The following SCN7A variants were observed in gnomAD, a reference collection of about 807,000 sequenced individuals.
SCN7A encodes sodium voltage-gated channel alpha subunit 7.
SCN7A carries 138 observed loss-of-function variants against 155.2 expected under a neutral mutation model. The ratio of observed to expected loss-of-function variants is 0.89; its 90% CI spans 0.77 to 1.02. SCN7A has a LOEUF of 1.02. Among genes scored for constraint, SCN7A ranks in the 50% least tolerant of loss-of-function variants. The pLI, the probability that SCN7A is intolerant of heterozygous loss-of-function variation, is 0.00. For missense variants in SCN7A, 2,058 were observed against 1,986.6 expected, an observed-to-expected ratio of 1.04 and a Z score of -0.68; for synonymous variants, 693 against 649.0, an observed-to-expected ratio of 1.07 and a Z score of -1.03.
intron 21 of SCN7A, among the ~76,000 whole-genome samples, chr2:166,414,221 TA>T (rs1220344741): frequency 3.3e-4 from 32 of 96,572 alleles, no homozygotes; most frequent in African/African-American, 1.0e-3. Context: ...TAAATATATA[TA>T]AATATATATA....
chr2:166,447,542 G>A (rs1702089211), intron 12 of SCN7A, 70 bp downstream of exon 12: 1 of 1,001,096 alleles, frequency 1.0e-6, no homozygotes, highest in Admixed American at 2.5e-5. Context: ...AGAAATTGCT[G>A]AATTTCTTTA....
chr2:166,473,170 A>G (rs1206026990), intron 5 of SCN7A, among the ~76,000 whole-genome samples: 1 of 151,798 alleles, frequency 6.6e-6, no homozygotes, highest in African/African-American at 2.4e-5. Context: ...TCTGAACTTG[A>G]AAGTTAAACA....
In SCN7A at chr2:166,448,310, A is replaced by T. The variant is rs529615192; in HGVS notation, c.1291-602T>A. Among the ~76,000 whole-genome samples the T allele has an allele frequency of 1.1e-4, 16 of 152,298 alleles. No homozygotes were observed. In the South Asian group the frequency reaches 3.3e-3, roughly 32 times the overall value. On this transcript the variant is annotated intron_variant, in intron 11 of 25. Transcript: ENST00000643258. ...ACTTTATTCTTTTTAATGGCTGAAT[A>T]ATACTCCATTGTGTATATACTATAT... is the stretch of plus-strand genomic sequence containing the variant.
chr2:166,430,315 A>AT (rs1701707862), intron 16 of SCN7A, among the ~76,000 whole-genome samples: 1 of 151,974 alleles, frequency 6.6e-6, no homozygotes, highest in Admixed American at 6.6e-5. Flanking sequence ...TAGTGCTCAA[A>AT]TAAAAAAAGT....
At position 166,413,055 on chromosome 2, in the gene SCN7A, A is replaced by G. The variant is rs1233774751; in HGVS notation, c.3468+13T>C. 4 of 1,517,164 alleles carry G rather than the reference A, an allele frequency of 2.6e-6. No homozygotes were observed. The South Asian group carries it at 5.0e-5, about 19-fold the overall frequency. The allele number at this position is 1,517,164 out of a possible 1,614,324, so 94.0% of individuals were successfully genotyped here. ...GTATCCTAACAATGGCTTTAAAATG[A>G]TATTATACTTACAGCAACAGAATCA... On this transcript the variant is annotated intron_variant, in intron 22 of 25. Coordinates refer to ENST00000643258, the MANE Select transcript of SCN7A (RefSeq NM_002976.4).
In SCN7A at chr2:166,404,823, T is replaced by TG. The variant is rs1491034123; in HGVS notation, c.*756dup. The TG allele has an allele frequency of 6.4e-5, 2 of 31,358 alleles. No individual in the cohort carries two copies. The highest frequency in any genetic ancestry group is 1.3e-4 in the Non-Finnish European group (2 of 15,252). 1.9% of individuals were successfully genotyped at this position (31,358 alleles called of 1,614,324 possible). ...AAAATAGGTGTAAATGAGAAGAAAA[T>TG]GAAAAAAAAAAAAAAAAAAAAGGCT... On this transcript the variant is annotated 3_prime_UTR_variant, in exon 26 of 26. Transcript: ENST00000643258.
intron 20 of SCN7A, among the ~76,000 whole-genome samples, chr2:166,418,283 GC>G (rs1480612799): frequency 1.7e-5 from 2 of 119,878 alleles, no homozygotes; most frequent in Admixed American, 8.2e-5. Context: ...ACCCCGCCAG[GC>G]TTTTTTTTTT....
At chr2:166,488,393 C>T (rs1052833682) in intron 1 of SCN7A, among the ~76,000 whole-genome samples, 1 of 151,968 alleles carries the variant, frequency 6.6e-6, no homozygotes, top group Non-Finnish European at 1.5e-5. Context: ...TCATTGACTT[C>T]TAGGAAGCAG....
Position 166,425,416 on chromosome 2 carries a change from G to C in SCN7A, c.2854-1984C>G, listed in dbSNP as rs1268575604. Among the ~76,000 whole-genome samples, 3 of 151,930 alleles carry C rather than the reference G, an allele frequency of 2.0e-5. No individual in the cohort carries two copies. The East Asian group carries it at 5.8e-4, about 30-fold the overall frequency. On this transcript the variant is annotated intron_variant, in intron 18 of 25. Transcript: ENST00000643258. ...CTTTCCTGGTAGTGTATCTAGAGAG[G>C]GCTGCTTATTAGTTTCCTATTGTGA...
intron 1 of SCN7A, among the ~76,000 whole-genome samples, chr2:166,493,234 T>G (rs7600097): frequency 0.028 from 4,292 of 152,242 alleles, 171 homozygotes; most frequent in East Asian, 0.16. Context: ...TTCAGTCCAA[T>G]ATCCAAACTG....
chr2:166,441,018 T>C, intron 15 of SCN7A: 1 of 314,542 alleles, frequency 3.2e-6, no homozygotes, highest in East Asian at 5.1e-5. Context: ...TTATGAGTTT[T>C]ATATTTCTGG....
In SCN7A at chr2:166,406,536, C is replaced by T; in HGVS notation, c.4093G>A (p.Val1365Met). The change falls in exon 26 of 26, where the codon GTG (valine) becomes ATG (methionine). Residue 1365 changes from valine to methionine, a missense_variant. Transcript: ENST00000643258. Reference sequence around the variant, plus strand: ...AAAGGAAGCATCAGATTATGAAACACCTTTGGTCCTTTTCCAAGACGCAGC... The same window carrying T: ...AAAGGAAGCATCAGATTATGAAACATCTTTGGTCCTTTTCCAAGACGCAGC... ...HMLRLGKGPK[V>M]FHNLMLPLML... 5 of 1,612,794 alleles carry T rather than the reference C, an allele frequency of 3.1e-6. No individual in the cohort carries two copies. Among genetic ancestry groups the T allele is most frequent in the African/African-American group, 1.3e-5 (1 of 74,916 alleles).
At chr2:166,456,468 C>A (rs1702276523) in intron 11 of SCN7A, among the ~76,000 whole-genome samples, 1 of 151,918 alleles carries the variant, frequency 6.6e-6, no homozygotes, top group African/African-American at 2.4e-5. Flanking sequence ...TAAAAGAACA[C>A]CACCATCACT....
In SCN7A at chr2:166,406,614, G is replaced by A; in HGVS notation, c.4015C>T (p.Leu1339Phe). The A allele has an allele frequency of 1.2e-6, 2 of 1,610,958 alleles. No homozygotes were observed. Among genetic ancestry groups the A allele is most frequent in the Non-Finnish European group, 1.7e-6 (2 of 1,178,272 alleles). ...AGTTGCACAAGTGAAGGAGGCACAA[G>A]GTAGGATCCTACTGTCATAGGCAGA... ...LCLPMTVGSY[L>F]VPPSLVQLIL... The change falls in exon 26 of 26, where the codon CTT becomes TTT. Residue 1339 changes from leucine (L) to phenylalanine (F), a missense_variant. Physicochemically the swap from Leu to Phe is conservative, Grantham distance 22. Transcript: ENST00000643258.
intron 1 of SCN7A, among the ~76,000 whole-genome samples, chr2:166,489,946 A>C (rs1683047963): frequency 6.6e-6 from 1 of 151,982 alleles, no homozygotes; most frequent in Non-Finnish European, 1.5e-5. Flanking sequence ...TTTTGTCTCT[A>C]ATTGATAAAT....
chr2:166,444,198 A>C (rs1240761961), intron 13 of SCN7A, among the ~76,000 whole-genome samples: 1 of 152,230 alleles, frequency 6.6e-6, no homozygotes, highest in Non-Finnish European at 1.5e-5. Context: ...ACATTTAAAC[A>C]ATATACATTT....
chr2:166,421,870 G>A (rs984984223), intron 19 of SCN7A, among the ~76,000 whole-genome samples: 2 of 151,978 alleles, frequency 1.3e-5, no homozygotes, highest in African/African-American at 4.8e-5. Context: ...GTTAATAAAT[G>A]TTCATAAATA....
intron 7 of SCN7A, among the ~76,000 whole-genome samples, chr2:166,468,969 T>C (rs574406418): frequency 6.6e-6 from 1 of 151,498 alleles, no homozygotes; most frequent in Non-Finnish European, 1.5e-5. Context: ...TTTACATTTA[T>C]AACATTTTAC....
chr2:166,426,110 C>T (rs79239728), intron 18 of SCN7A, among the ~76,000 whole-genome samples: 7,004 of 152,172 alleles, frequency 0.046, 178 homozygotes, highest in African/African-American at 0.061. Context: ...GAAAGAGATA[C>T]AACGCCTGGT....
Sources: gnomAD v4.1 joint callset for allele counts (sites outside exome capture counted in the v4.1 genomes callset) on GRCh38, gnomAD v4.1.1 for gene constraint, MANE v1.5 for transcripts, NCBI Gene and HGNC (gene_info 2026-07-23, HGNC 2026-07-21) for gene names.